Variants in SRPK2 observed in about 807,000 individuals in gnomAD.
The protein encoded by SRPK2 is SRSF protein kinase 2.
A neutral mutation model predicts 90.8 loss-of-function variants in SRPK2; 21 were observed. The observed-to-expected ratio is 0.23, with a 90% CI of 0.16 to 0.33. The LOEUF (loss-of-function observed/expected upper bound fraction) is 0.33, where lower values mean the gene tolerates loss of function less well. SRPK2 is among the 10% of genes least tolerant of loss of function. The probability of loss-of-function intolerance (pLI) is 1.00; values close to 1 mark genes in which losing one functional copy is unlikely to be tolerated. For synonymous variants in SRPK2, 288 were observed against 311.1 expected, an observed-to-expected ratio of 0.93 and a Z score of 0.78; for missense variants, 620 against 869.0, an observed-to-expected ratio of 0.71 and a Z score of 3.60.
At chr7:105,235,460 TTGTG>T (rs57638058) in intron 2 of SRPK2, among the ~76,000 whole-genome samples, 27,435 of 150,710 alleles carry the variant, frequency 0.18, 3,168 homozygotes, top group East Asian at 0.62. Flanking sequence ...TTGTCTGGGA[TTGTG>T]TGTGTGTGTG....
chr7:105,256,303 T>C (rs1327321577), intron 2 of SRPK2, among the ~76,000 whole-genome samples: 4 of 147,606 alleles, frequency 2.7e-5, no homozygotes, highest in Non-Finnish European at 5.9e-5. Context: ...GTTAAGGCTG[T>C]TTTGAGTTAC....
chr7:105,335,290 C>T lies in SRPK2; in HGVS notation c.71+53358G>A, dbSNP rs115214725. ...TATAGCCACAAGATAATAAAGCAAA[C>T]AATTGCATTATCATTCAGATTTTAA... On this transcript the variant is annotated intron_variant, in intron 2 of 15. Coordinates refer to ENST00000393651, the MANE Select transcript of SRPK2 (RefSeq NM_182692.3). 6.3e-4 allele frequency among the ~76,000 whole-genome samples: 96 copies of T among 152,212 alleles called. 1 individual carries two copies. Among genetic ancestry groups the T allele is most frequent in the African/African-American group, 2.2e-3 (91 of 41,538 alleles).
At chr7:105,192,765 T>C (rs936077780) in intron 3 of SRPK2, among the ~76,000 whole-genome samples, 1 of 152,214 alleles carries the variant, frequency 6.6e-6, no homozygotes, top group Admixed American at 6.5e-5. Flanking sequence ...TGGTATTGCA[T>C]TGTGATTTTG....
intron 15 of SRPK2, among the ~76,000 whole-genome samples, chr7:105,121,377 TA>T (rs551673852): frequency 1.9e-4 from 8 of 41,770 alleles, no homozygotes; most frequent in Non-Finnish European, 2.2e-4. Context: ...TATGAAGACG[TA>T]AAAAAAAAAA....
rs532973731 is a variant in SRPK2, at chr7:105,271,780, C to T, written c.72-67995G>A. Among the ~76,000 whole-genome samples the T allele has an allele frequency of 2.6e-5, 4 of 152,280 alleles. No individual in the cohort carries two copies. The East Asian group carries it at 7.7e-4, about 29-fold the overall frequency. ...TCTTACACACACCGCAAACACTTTC[C>T]CCCTCAATTAGTCAGTTGTTTTGGA... On this transcript the variant is annotated intron_variant, in intron 2 of 15. Coordinates refer to ENST00000393651, the MANE Select transcript of SRPK2 (RefSeq NM_182692.3).
At chr7:105,357,668 C>T (rs1226388467) in intron 2 of SRPK2, among the ~76,000 whole-genome samples, 1 of 151,672 alleles carries the variant, frequency 6.6e-6, no homozygotes, top group Non-Finnish European at 1.5e-5. Context: ...TGCTTGAACC[C>T]AGGAGGCGGA....
chr7:105,180,081 A>C (rs1240206005), intron 3 of SRPK2, among the ~76,000 whole-genome samples: 1 of 152,194 alleles, frequency 6.6e-6, no homozygotes, highest in African/African-American at 2.4e-5. Context: ...GAAAGATCTT[A>C]AAGTCCATAA....
At chr7:105,172,277 C>A (rs746414220) in intron 3 of SRPK2, among the ~76,000 whole-genome samples, 10 of 152,088 alleles carry the variant, frequency 6.6e-5, no homozygotes, top group Admixed American at 1.3e-4. Context: ...GAACACTGTG[C>A]GAGGCACTTT....
At chr7:105,260,598 G>A (rs1804087121) in intron 2 of SRPK2, among the ~76,000 whole-genome samples, 1 of 152,140 alleles carries the variant, frequency 6.6e-6, no homozygotes, top group South Asian at 2.1e-4. Flanking sequence ...GTTTATTGTG[G>A]CACTATTCAC....
At chr7:105,234,800 G>GA (rs961213738) in intron 2 of SRPK2, among the ~76,000 whole-genome samples, 10 of 150,498 alleles carry the variant, frequency 6.6e-5, no homozygotes, top group East Asian at 1.9e-4. Context: ...TATGAAGCAG[G>GA]AAAAAAAAAG....
At chr7:105,367,374 C>G (rs188798314) in intron 2 of SRPK2, among the ~76,000 whole-genome samples, 1 of 152,172 alleles carries the variant, frequency 6.6e-6, no homozygotes, top group East Asian at 1.9e-4. Flanking sequence ...GCAATCCTCC[C>G]GCCTCAGCCT....
chr7:105,377,010 T>G lies in SRPK2; in HGVS notation c.71+11638A>C, dbSNP rs1207050484. 4.6e-5 allele frequency among the ~76,000 whole-genome samples: 7 copies of G among 152,136 alleles called. No homozygotes were observed. The East Asian group carries it at 1.3e-3, about 29-fold the overall frequency. On this transcript the variant is annotated intron_variant, in intron 2 of 15. Coordinates refer to ENST00000393651, the MANE Select transcript of SRPK2 (RefSeq NM_182692.3). ...ACTTTTACAGCTGCAAGGTTGCTTT[T>G]ATTTTAAAACACTGTGCTAAGATAG...
chr7:105,227,836 C>T (rs1446581214), intron 2 of SRPK2, among the ~76,000 whole-genome samples: 1 of 127,478 alleles, frequency 7.8e-6, no homozygotes, highest in Non-Finnish European at 1.6e-5. Context: ...AAATGTTTAT[C>T]AACTGATGAA....
Position 105,298,456 on chromosome 7 carries a change from GGTTT to G in SRPK2, c.71+90188_71+90191del, listed in dbSNP as rs1810131019. On this transcript the variant is annotated intron_variant, in intron 2 of 15. Transcript: ENST00000393651. Reference sequence around the variant, plus strand: ...ATGCTGCTACAAGCAGTTACATATAGGTTTTTTTTCTGAACCTAAGTTTCTGTTT... The same window carrying G: ...ATGCTGCTACAAGCAGTTACATATAGTTTTTCTGAACCTAAGTTTCTGTTT... 3.3e-5 allele frequency among the ~76,000 whole-genome samples: 5 copies of G among 152,024 alleles called. No individual in the cohort carries two copies. In the South Asian group the frequency reaches 1.0e-3, roughly 32 times the overall value.
At chr7:105,296,321 A>G (rs1392206369) in intron 2 of SRPK2, among the ~76,000 whole-genome samples, 1 of 152,194 alleles carries the variant, frequency 6.6e-6, no homozygotes, top group Admixed American at 6.5e-5. Flanking sequence ...AGTCCTCTTA[A>G]TTTACCAACT....
chr7:105,378,894 T>G lies in SRPK2; in HGVS notation c.71+9754A>C, dbSNP rs558846309. On this transcript the variant is annotated intron_variant, in intron 2 of 15. Coordinates refer to ENST00000393651, the MANE Select transcript of SRPK2 (RefSeq NM_182692.3). The stretch of plus-strand genomic sequence containing the variant: ...ACACTGCCAAGTGTGGGCAAAAATG[T>G]GAAGCAAACTTAAGTGTCTTTACAC... Among the ~76,000 whole-genome samples the G allele has an allele frequency of 2.0e-5, 3 of 152,262 alleles. No individual in the cohort carries two copies. The East Asian group carries it at 5.8e-4, about 29-fold the overall frequency.
At chr7:105,293,983 T>C (rs1809435877) in intron 2 of SRPK2, among the ~76,000 whole-genome samples, 1 of 152,182 alleles carries the variant, frequency 6.6e-6, no homozygotes, top group Non-Finnish European at 1.5e-5. Context: ...GGACTATCTG[T>C]GAACTGCCTG....
chr7:105,329,867 T>TAA (rs1027844467), intron 2 of SRPK2, among the ~76,000 whole-genome samples: 1 of 146,524 alleles, frequency 6.8e-6, no homozygotes, highest in Non-Finnish European at 1.5e-5. Flanking sequence ...CCGTCTCTAC[T>TAA]AAAAAAAAAA....
chr7:105,331,322 A>AAAAAAC (rs1814328505), intron 2 of SRPK2, among the ~76,000 whole-genome samples: 1 of 133,750 alleles, frequency 7.5e-6, no homozygotes, highest in Non-Finnish European at 1.6e-5. Flanking sequence ...AAAAAAAAAA[A>AAAAAAC]AAAAAAAAAA....
Sources: gnomAD v4.1 joint callset for allele counts (sites outside exome capture counted in the v4.1 genomes callset) on GRCh38, gnomAD v4.1.1 for gene constraint, MANE v1.5 for transcripts, NCBI Gene and HGNC (gene_info 2026-07-23, HGNC 2026-07-21) for gene names.